The following MAP7 variants were observed in gnomAD, a reference collection of about 807,000 sequenced individuals.
MAP7 encodes the protein microtubule associated protein 7.
A neutral mutation model predicts 94.8 loss-of-function variants in MAP7; 52 were observed. That is an observed-to-expected ratio of 0.55 (90% CI 0.44 to 0.69). MAP7 has a LOEUF of 0.69. Among genes scored for constraint, MAP7 ranks in the 30% least tolerant of loss-of-function variants. The pLI is 0.00. For synonymous variants in MAP7, 350 were observed against 357.0 expected, an observed-to-expected ratio of 0.98 and a Z score of 0.22; for missense variants, 940 against 964.6, an observed-to-expected ratio of 0.97 and a Z score of 0.34.
chr6:136,401,492 A>G (rs896907452), intron 3 of MAP7, among the ~76,000 whole-genome samples: 5 of 152,206 alleles, frequency 3.3e-5, no homozygotes, highest in African/African-American at 1.2e-4. Flanking sequence ...GGACATGGAT[A>G]AAGCTGGAAA....
intron 1 of MAP7, among the ~76,000 whole-genome samples, chr6:136,492,346 A>AT (rs1304411154): frequency 6.6e-6 from 1 of 152,232 alleles, no homozygotes; most frequent in African/African-American, 2.4e-5. Flanking sequence ...TACAGTGACT[A>AT]TTAAGTATTT....
Position 136,389,449 on chromosome 6 carries a change from C to T in MAP7, c.313G>A (p.Glu105Lys). 6.2e-7 allele frequency: 1 copy of T among 1,607,376 alleles called. No homozygotes were observed. The highest frequency in any genetic ancestry group is 1.1e-5 in the South Asian group (1 of 90,220). Residue 105 changes from glutamate (E) to lysine (K), a missense_variant, in exon 4 of 18, where the codon GAG (glutamate) becomes AAG (lysine). Glu to Lys is a moderately conservative substitution (Grantham distance 56). Coordinates refer to ENST00000354570, the MANE Select transcript of MAP7 (RefSeq NM_003980.6). ...TGCTCCTCCAACCTCTTCTTCCGCTCTTCCAGGTGCTTCTCGTAGTGCTGC... is the reference window on the plus strand; with the variant it reads ...TGCTCCTCCAACCTCTTCTTCCGCTTTTCCAGGTGCTTCTCGTAGTGCTGC... ...ARQHYEKHLE[E>K]RKKRLEEQRQ...
intron 15 of MAP7, 102 bp from the exon 16 acceptor site, chr6:136,356,896 A>G: frequency 1.1e-6 from 1 of 892,602 alleles, no homozygotes; most frequent in Non-Finnish European, 1.8e-6. Context: ...TGGTTCTGCT[A>G]CTTAAGTGAT....
chr6:136,345,317 G>A (rs545266344), intron 17 of MAP7, among the ~76,000 whole-genome samples: 3 of 152,258 alleles, frequency 2.0e-5, no homozygotes, highest in Admixed American at 2.0e-4. Context: ...GTGAGTACTG[G>A]TTTCATCACC....
intron 1 of MAP7, among the ~76,000 whole-genome samples, chr6:136,483,317 A>G (rs1195139080): frequency 6.6e-6 from 1 of 151,982 alleles, no homozygotes; most frequent in Non-Finnish European, 1.5e-5. Context: ...TTGAGTACAC[A>G]TGGACACCAA....
At chr6:136,432,725 G>A (rs1795302442) in intron 1 of MAP7, among the ~76,000 whole-genome samples, 1 of 151,794 alleles carries the variant, frequency 6.6e-6, no homozygotes. Flanking sequence ...ATACTAGATA[G>A]GTATCAACTG....
chr6:136,381,714 G>A (rs1329508054), intron 6 of MAP7, among the ~76,000 whole-genome samples: 5 of 151,904 alleles, frequency 3.3e-5, no homozygotes, highest in Non-Finnish European at 5.9e-5. Context: ...CAAATCTAGC[G>A]TTCTCCCTCT....
intron 2 of MAP7, among the ~76,000 whole-genome samples, chr6:136,416,248 T>C (rs1372711145): frequency 6.6e-6 from 1 of 152,200 alleles, no homozygotes; most frequent in African/African-American, 2.4e-5. Context: ...TTTAAACTTT[T>C]ATTAAGATGC....
intron 6 of MAP7, among the ~76,000 whole-genome samples, chr6:136,381,330 C>T (rs1777668399): frequency 6.6e-6 from 1 of 151,978 alleles, no homozygotes; most frequent in Non-Finnish European, 1.5e-5. Context: ...AGGTGCACAC[C>T]ATCACGCTTG....
At chr6:136,362,852 T>C in intron 10 of MAP7, 150 bp from the exon 11 acceptor site, 1 of 1,301,272 alleles carries the variant, frequency 7.7e-7, no homozygotes, top group Non-Finnish European at 1.0e-6. Context: ...GGTTTCACTA[T>C]GTTCTATCTG....
chr6:136,545,756 AAATTT>A (rs1829686102), intron 1 of MAP7, among the ~76,000 whole-genome samples: 2 of 137,026 alleles, frequency 1.5e-5, no homozygotes, highest in African/African-American at 6.1e-5. Context: ...AAATTAAAAC[AAATTT>A]AATTTTTTTT....
At chr6:136,380,622 T>G (rs553512944) in intron 6 of MAP7, among the ~76,000 whole-genome samples, 1 of 152,224 alleles carries the variant, frequency 6.6e-6, no homozygotes, top group Non-Finnish European at 1.5e-5. Context: ...AAAAGTTGGT[T>G]AAGCAGATAG....
At chr6:136,424,962 C>T (rs1302651994) in intron 1 of MAP7, among the ~76,000 whole-genome samples, 1 of 152,158 alleles carries the variant, frequency 6.6e-6, no homozygotes, top group African/African-American at 2.4e-5. Flanking sequence ...CTGTATAGTC[C>T]CTTATCCATG....
intron 3 of MAP7, among the ~76,000 whole-genome samples, chr6:136,390,496 T>C (rs1188567778): frequency 6.6e-6 from 1 of 151,800 alleles, no homozygotes; most frequent in African/African-American, 2.4e-5. Context: ...CTACTAAAAA[T>C]ATAAAAATTA....
chr6:136,527,189 C>T (rs973835921), intron 1 of MAP7, among the ~76,000 whole-genome samples: 4 of 152,138 alleles, frequency 2.6e-5, no homozygotes, highest in African/African-American at 9.7e-5. Context: ...TTCTTCAAAG[C>T]ACAGAATCAT....
chr6:136,387,977 T>C (rs1779637288), intron 5 of MAP7, among the ~76,000 whole-genome samples: 1 of 152,214 alleles, frequency 6.6e-6, no homozygotes, highest in South Asian at 2.1e-4. Context: ...GCATATACTT[T>C]AGGGTCAGAA....
intron 1 of MAP7, among the ~76,000 whole-genome samples, chr6:136,523,061 G>GA (rs914792435): frequency 2.0e-5 from 3 of 150,710 alleles, no homozygotes; most frequent in South Asian, 2.1e-4. Flanking sequence ...ATAAAAAGGA[G>GA]AAAAAAAAAT....
intron 4 of MAP7, 57 bp from the exon 5 acceptor site, chr6:136,388,567 T>C (rs1482685729): frequency 1.4e-6 from 2 of 1,391,852 alleles, no homozygotes; most frequent in African/African-American, 2.8e-5. Context: ...TGAAGCTTCT[T>C]CAATTTAAGG....
rs1821681953 is a variant in MAP7, at chr6:136,506,891, G to C, written c.67+43451C>G. On this transcript the variant is annotated intron_variant, in intron 1 of 17. Coordinates refer to ENST00000354570, the MANE Select transcript of MAP7 (RefSeq NM_003980.6). ...GCCATACTTCAATCACTCATAGACTGCTGAGTGTTCAAACTGCATTCAAAT... is the reference window on the plus strand; with the variant it reads ...GCCATACTTCAATCACTCATAGACTCCTGAGTGTTCAAACTGCATTCAAAT... Among the ~76,000 whole-genome samples, 2 of 152,292 alleles carry C rather than the reference G, an allele frequency of 1.3e-5. 1 individual carries two copies. Among genetic ancestry groups the C allele is most frequent in the South Asian group, 4.1e-4 (2 of 4,824 alleles).
Sources: gnomAD v4.1 joint callset for allele counts (sites outside exome capture counted in the v4.1 genomes callset) on GRCh38, gnomAD v4.1.1 for gene constraint, MANE v1.5 for transcripts, NCBI Gene and HGNC (gene_info 2026-07-23, HGNC 2026-07-21) for gene names.